The following NKAIN2 variants were observed in gnomAD, a reference collection of about 807,000 sequenced individuals.
NKAIN2 encodes sodium/potassium transporting ATPase interacting 2, also known as sodium/potassium-transporting ATPase subunit beta-1-interacting protein 2.
A neutral mutation model predicts 32.6 loss-of-function variants in NKAIN2; 14 were observed. The ratio of observed to expected loss-of-function variants is 0.43; its 90% CI spans 0.28 to 0.67. The LOEUF (loss-of-function observed/expected upper bound fraction) is 0.67, where lower values mean the gene tolerates loss of function less well. NKAIN2 is among the 30% of genes least tolerant of loss of function. The pLI is 0.17. For missense variants in NKAIN2, 198 were observed against 258.3 expected (o/e 0.77, Z 1.60); for synonymous variants, 80 against 87.2 (o/e 0.92, Z 0.46).
intron 1 of NKAIN2, among the ~76,000 whole-genome samples, chr6:124,000,536 G>A (rs530795131): frequency 2.4e-3 from 369 of 151,970 alleles, no homozygotes; most frequent in Middle Eastern, 0.014. Context: ...TCATGAAGCC[G>A]GATGAAAAAA....
chr6:124,816,863 A>T lies in NKAIN2; in HGVS notation c.536-1524A>T, dbSNP rs556581421. 8.5e-4 allele frequency among the ~76,000 whole-genome samples: 129 copies of T among 152,130 alleles called. 1 individual carries two copies. Among genetic ancestry groups the T allele is most frequent in the Admixed American group, 1.5e-3 (23 of 15,282 alleles). On this transcript the variant is annotated intron_variant, in intron 5 of 6. Transcript: ENST00000368417. ...GTGTTCTTTTGTTTCTTTTATCCCCACTCTAAAACCTCTTTATTCACAAAT... is the reference window on the plus strand; with the variant it reads ...GTGTTCTTTTGTTTCTTTTATCCCCTCTCTAAAACCTCTTTATTCACAAAT...
At chr6:124,059,109 CAAAG>C (rs1171947084) in intron 1 of NKAIN2, among the ~76,000 whole-genome samples, 2 of 151,622 alleles carry the variant, frequency 1.3e-5, no homozygotes, top group Non-Finnish European at 2.9e-5. Flanking sequence ...AAAAAACTGA[CAAAG>C]AAAAGGGAGC....
At chr6:124,184,173 G>A (rs1404690003) in intron 1 of NKAIN2, among the ~76,000 whole-genome samples, 1 of 151,762 alleles carries the variant, frequency 6.6e-6, no homozygotes, top group Non-Finnish European at 1.5e-5. Context: ...GCTACTTCAG[G>A]GATATGCCAA....
chr6:123,850,301 C>T (rs868677569), intron 1 of NKAIN2, among the ~76,000 whole-genome samples: 2 of 147,560 alleles, frequency 1.4e-5, no homozygotes, highest in South Asian at 2.1e-4. Context: ...GACTGGATCA[C>T]ATTTCCCCGC....
chr6:124,243,038 T>TAA (rs11410948), intron 1 of NKAIN2, among the ~76,000 whole-genome samples: 1,759 of 135,612 alleles, frequency 0.013, 23 homozygotes, highest in Admixed American at 0.028. Flanking sequence ...AAAGTATAAT[T>TAA]AAAAAAAAAA....
intron 2 of NKAIN2, among the ~76,000 whole-genome samples, chr6:124,350,592 T>G (rs543155436): frequency 6.6e-6 from 1 of 152,196 alleles, no homozygotes; most frequent in African/African-American, 2.4e-5. Flanking sequence ...GATTTCTATG[T>G]TCATTAAAGG....
At chr6:123,815,467 G>A (rs1052691323) in intron 1 of NKAIN2, among the ~76,000 whole-genome samples, 4 of 152,218 alleles carry the variant, frequency 2.6e-5, no homozygotes, top group African/African-American at 9.6e-5. Flanking sequence ...AAATAATGAA[G>A]TTAATATTGT....
intron 2 of NKAIN2, among the ~76,000 whole-genome samples, chr6:124,348,810 A>T (rs1029707128): frequency 4.6e-5 from 7 of 152,122 alleles, no homozygotes; most frequent in Admixed American, 1.3e-4. Context: ...CTCACTGGGG[A>T]AGCTCAAGGG....
At chr6:124,281,885 G>A (rs1388315122) in intron 1 of NKAIN2, among the ~76,000 whole-genome samples, 1 of 152,180 alleles carries the variant, frequency 6.6e-6, no homozygotes, top group Non-Finnish European at 1.5e-5. Flanking sequence ...GCATAGTGAT[G>A]TTAGGAACTT....
chr6:123,910,071 C>G (rs953912757), intron 1 of NKAIN2, among the ~76,000 whole-genome samples: 3 of 152,016 alleles, frequency 2.0e-5, no homozygotes. Context: ...TGGAAATGCA[C>G]TTAATAAAAA....
intron 4 of NKAIN2, among the ~76,000 whole-genome samples, chr6:124,694,789 T>C (rs1774418258): frequency 6.6e-6 from 1 of 151,998 alleles, no homozygotes; most frequent in Admixed American, 6.6e-5. Flanking sequence ...ATGAAATTGA[T>C]TTTTTTACCT....
intron 3 of NKAIN2, among the ~76,000 whole-genome samples, chr6:124,565,949 A>G (rs1378110082): frequency 1.3e-5 from 2 of 152,182 alleles, no homozygotes; most frequent in African/African-American, 2.4e-5. Flanking sequence ...TTCAATACTA[A>G]ACGTAGATTT....
intron 1 of NKAIN2, among the ~76,000 whole-genome samples, chr6:123,835,883 C>A (rs1432294752): frequency 6.6e-6 from 1 of 152,124 alleles, no homozygotes; most frequent in Non-Finnish European, 1.5e-5. Context: ...TTCCTGCTTA[C>A]CCCAGTCTCT....
At chr6:124,246,754 C>A (rs1793426317) in intron 1 of NKAIN2, among the ~76,000 whole-genome samples, 1 of 152,016 alleles carries the variant, frequency 6.6e-6, no homozygotes, top group Admixed American at 6.6e-5. Flanking sequence ...GGAGCTATCA[C>A]CCGTTTTCTC....
intron 3 of NKAIN2, among the ~76,000 whole-genome samples, chr6:124,617,126 A>G (rs184240766): frequency 2.3e-4 from 35 of 152,340 alleles, no homozygotes; most frequent in African/African-American, 8.2e-4. Flanking sequence ...TAGGGAGAAT[A>G]ATATCTGTCT....
intron 1 of NKAIN2, among the ~76,000 whole-genome samples, chr6:124,046,907 A>T (rs1782163433): frequency 6.6e-6 from 1 of 152,020 alleles, no homozygotes; most frequent in African/African-American, 2.4e-5. Context: ...AGGAAAGTAT[A>T]TTGGAATGAG....
At chr6:123,994,834 A>T (rs966505312) in intron 1 of NKAIN2, among the ~76,000 whole-genome samples, 16 of 152,324 alleles carry the variant, frequency 1.1e-4, no homozygotes, top group Middle Eastern at 3.4e-3. Context: ...TATATGAATA[A>T]TTTAAAAGCA....
At chr6:124,800,192 C>G (rs1378276195) in intron 5 of NKAIN2, among the ~76,000 whole-genome samples, 1 of 152,096 alleles carries the variant, frequency 6.6e-6, no homozygotes, top group Non-Finnish European at 1.5e-5. Context: ...CTTCCTTATG[C>G]CCGGTTCTGC....
rs530112861 is a variant in NKAIN2, at chr6:124,161,970, T to C, written c.55-121035T>C. Among the ~76,000 whole-genome samples, 5 of 152,170 alleles carry C rather than the reference T, an allele frequency of 3.3e-5. No individual in the cohort carries two copies. In the South Asian group the frequency reaches 1.0e-3, roughly 32 times the overall value. On this transcript the variant is annotated intron_variant, in intron 1 of 6. Transcript: ENST00000368417. ...TTGAAATTCTAAAAAATAAATAAAA[T>C]AAAATAATGAAAAATAAAATAAGAT...
Sources: gnomAD v4.1 joint callset for allele counts (sites outside exome capture counted in the v4.1 genomes callset) on GRCh38, gnomAD v4.1.1 for gene constraint, MANE v1.5 for transcripts, NCBI Gene and HGNC (gene_info 2026-07-23, HGNC 2026-07-21) for gene names.